WWOX: variants seen among roughly 807,000 people sequenced by gnomAD.
The protein encoded by WWOX is WW domain-containing oxidoreductase.
A neutral mutation model predicts 46.2 loss-of-function variants in WWOX; 69 were observed. That is an observed-to-expected ratio of 1.49 (90% CI 1.23 to 1.82). The LOEUF is 1.82. Ranked by LOEUF, WWOX falls within the 40% of genes most tolerant of loss-of-function variation. The probability of loss-of-function intolerance (pLI) is 0.00; values close to 1 mark genes in which losing one functional copy is unlikely to be tolerated. For synonymous variants in WWOX, 359 were observed against 202.6 expected (o/e 1.77, Z -6.56); for missense variants, 919 against 542.6 (o/e 1.69, Z -6.89).
At chr16:78,907,801 T>C (rs569671840) in intron 8 of WWOX, among the ~76,000 whole-genome samples, 1 of 152,182 alleles carries the variant, frequency 6.6e-6, no homozygotes, top group Admixed American at 6.5e-5. Flanking sequence ...ATGGAGCCAG[T>C]CCTAGGGAAA....
intron 8 of WWOX, among the ~76,000 whole-genome samples, chr16:78,615,220 G>A (rs959352798): frequency 6.6e-6 from 1 of 151,920 alleles, no homozygotes; most frequent in Non-Finnish European, 1.5e-5. Context: ...TTTTTGAAAG[G>A]GCATCACCAC....
At chr16:78,424,104 TTTC>T (rs1231628312) in intron 6 of WWOX, among the ~76,000 whole-genome samples, 1,436 of 120,030 alleles carry the variant, frequency 0.012, 10 homozygotes, top group African/African-American at 0.042. Context: ...TTTCTTTTCT[TTTC>T]TTTTTTTTTT....
At position 78,164,269 on chromosome 16, in the gene WWOX, T is replaced by C. The variant is rs2151735552; in HGVS notation, c.496T>C (p.Ser166Pro). Residue 166 changes from serine (S) to proline (P), a missense_variant, in exon 5 of 9, where the codon TCA becomes CCA. Ser to Pro is a moderately conservative substitution (Grantham distance 74). Coordinates refer to ENST00000566780, the MANE Select transcript of WWOX (RefSeq NM_016373.4). ...CATGGCAAGGGCGAGTGAAGCAGTG[T>C]CACGCATTTTAGAAGAATGGGTAAG... The part of the protein sequence containing the change: ...RNMARASEAV[S>P]RILEEWHKAK... 1 of 1,614,006 alleles carries C rather than the reference T, an allele frequency of 6.2e-7. No individual in the cohort carries two copies. Among genetic ancestry groups the C allele is most frequent in the East Asian group, 2.2e-5 (1 of 44,872 alleles).
chr16:78,520,191 G>T (rs1254893005), intron 8 of WWOX, among the ~76,000 whole-genome samples: 1 of 152,198 alleles, frequency 6.6e-6, no homozygotes, highest in Non-Finnish European at 1.5e-5. Context: ...CCCAGGCATA[G>T]GATTGCCAGG....
intron 8 of WWOX, among the ~76,000 whole-genome samples, chr16:78,569,850 C>T (rs1257775784): frequency 6.6e-6 from 1 of 152,126 alleles, no homozygotes; most frequent in African/African-American, 2.4e-5. Flanking sequence ...ATGATGTGAC[C>T]TCATCGACAG....
intron 5 of WWOX, among the ~76,000 whole-genome samples, chr16:78,329,553 A>C (rs530501503): frequency 1.3e-5 from 2 of 152,186 alleles, no homozygotes; most frequent in Non-Finnish European, 2.9e-5. Context: ...GCCAAGTTGC[A>C]AGGTCTTTGG....
intron 8 of WWOX, among the ~76,000 whole-genome samples, chr16:79,123,166 A>G (rs2150679756): frequency 6.6e-6 from 1 of 152,190 alleles, no homozygotes; most frequent in Middle Eastern, 3.4e-3. Context: ...CACTAGTGAG[A>G]GGGAGGACAC....
At chr16:78,205,724 C>T (rs1272232719) in intron 5 of WWOX, among the ~76,000 whole-genome samples, 1 of 152,042 alleles carries the variant, frequency 6.6e-6, no homozygotes, top group South Asian at 2.1e-4. Flanking sequence ...TGCATCCTTC[C>T]TTCGTTGTTT....
In WWOX at chr16:78,947,066, T is replaced by TA. The variant is rs5818194; in HGVS notation, c.1057-264534dup. Among the ~76,000 whole-genome samples the TA allele has an allele frequency of 2.3e-3, 339 of 146,314 alleles. 1 individual carries two copies. Among genetic ancestry groups the TA allele is most frequent in the African/African-American group, 6.3e-3 (250 of 39,836 alleles). On this transcript the variant is annotated intron_variant, in intron 8 of 8. Transcript: ENST00000566780. The stretch of plus-strand genomic sequence containing the variant: ...AGTTAAAAAAGAAAGTTTCTTTTTT[T>TA]AAAAAAAAGCCTTACTGCTCAATAA...
chr16:78,234,568 G>A (rs9635576), intron 5 of WWOX, among the ~76,000 whole-genome samples: 51 of 152,206 alleles, frequency 3.4e-4, no homozygotes, highest in East Asian at 7.7e-4. Context: ...CTTTAGAACC[G>A]AAGTATTTGG....
At position 79,043,942 on chromosome 16, in the gene WWOX, G is replaced by A. The variant is rs570291310; in HGVS notation, c.1057-167666G>A. Among the ~76,000 whole-genome samples, 85 of 152,286 alleles carry A rather than the reference G, an allele frequency of 5.6e-4. 1 individual carries two copies. In the South Asian group the frequency reaches 0.013, roughly 23 times the overall value. On this transcript the variant is annotated intron_variant, in intron 8 of 8. Coordinates refer to ENST00000566780, the MANE Select transcript of WWOX (RefSeq NM_016373.4). ...CATTCACTCTGCTCGGACCTTTCTG[G>A]TCACTTGTCTTCTGTGGTTTGGTCC...
chr16:78,555,024 C>T (rs2044258606), intron 8 of WWOX, among the ~76,000 whole-genome samples: 1 of 152,110 alleles, frequency 6.6e-6, no homozygotes, highest in Non-Finnish European at 1.5e-5. Flanking sequence ...CTTCTGGCTC[C>T]CTTGCCATTT....
chr16:78,780,306 G>A (rs958429188), intron 8 of WWOX: 2 of 152,144 alleles, frequency 1.3e-5, no homozygotes, highest in African/African-American at 2.4e-5. Context: ...AAGCTTAAGG[G>A]TACATTCACT....
intron 7 of WWOX, among the ~76,000 whole-genome samples, chr16:78,431,823 C>G (rs529405780): frequency 1.0e-3 from 156 of 151,910 alleles, no homozygotes; most frequent in African/African-American, 3.6e-3. Flanking sequence ...CTGAAGCGAT[C>G]CTCCTGCCTC....
At chr16:78,785,968 G>A (rs979269825) in intron 8 of WWOX, among the ~76,000 whole-genome samples, 4 of 152,056 alleles carry the variant, frequency 2.6e-5, no homozygotes, top group African/African-American at 9.7e-5. Context: ...GTGCAGTGGC[G>A]CGATCTCTGC....
intron 8 of WWOX, among the ~76,000 whole-genome samples, chr16:78,859,012 A>G (rs1567608445): frequency 7.1e-5 from 4 of 56,586 alleles, no homozygotes; most frequent in African/African-American, 3.1e-4. Context: ...AAAAAAAAAA[A>G]AAAAAAAAAA....
intron 4 of WWOX, among the ~76,000 whole-genome samples, chr16:78,137,959 G>A (rs1463423496): frequency 1.3e-5 from 2 of 150,772 alleles, no homozygotes; most frequent in East Asian, 1.9e-4. Context: ...GGAAGTGAAA[G>A]GAACAGAGTG....
chr16:78,798,847 A>G (rs1030123782), intron 8 of WWOX, among the ~76,000 whole-genome samples: 4 of 152,282 alleles, frequency 2.6e-5, no homozygotes, highest in South Asian at 4.1e-4. Context: ...GATGCGGCCA[A>G]TGTCAGGACT....
chr16:79,096,231 C>A (rs1380534262), intron 8 of WWOX, among the ~76,000 whole-genome samples: 1 of 151,982 alleles, frequency 6.6e-6, no homozygotes, highest in Non-Finnish European at 1.5e-5. Flanking sequence ...AGTTCTTTCT[C>A]CACGGAGAAC....
Sources: allele counts gnomAD v4.1 joint callset (sites outside exome capture counted in the v4.1 genomes callset), GRCh38; gene constraint gnomAD v4.1.1; transcripts MANE v1.5; gene names NCBI Gene and HGNC (gene_info 2026-07-23, HGNC 2026-07-21).